The following KSR2 variants were observed in gnomAD, a reference collection of about 807,000 sequenced individuals.
The protein encoded by KSR2 is kinase suppressor of ras 2.
A neutral mutation model predicts 107.8 loss-of-function variants in KSR2; 25 were observed. That is an observed-to-expected ratio of 0.23 (90% confidence interval 0.17 to 0.32). KSR2 has a LOEUF of 0.32. Ranked by LOEUF, KSR2 falls within the 10% of genes least tolerant of loss-of-function variation. The pLI is 1.00. For missense variants in KSR2, 887 were observed against 1,268.9 expected, an observed-to-expected ratio of 0.70 and a Z score of 4.57; for synonymous variants, 480 against 507.0, an observed-to-expected ratio of 0.95 and a Z score of 0.71.
intron 14 of KSR2, among the ~76,000 whole-genome samples, chr12:117,490,586 G>A (rs1268712805): frequency 6.6e-6 from 1 of 152,080 alleles, no homozygotes; most frequent in African/African-American, 2.4e-5. Context: ...CTTTGAGATG[G>A]GGTCTCACTA....
intron 4 of KSR2, among the ~76,000 whole-genome samples, chr12:117,671,374 G>C (rs1157601451): frequency 6.6e-6 from 1 of 152,210 alleles, no homozygotes; most frequent in Non-Finnish European, 1.5e-5. Flanking sequence ...ACGGCAGAGA[G>C]ACAGACAGAT....
chr12:117,793,665 T>G (rs1287189014), intron 3 of KSR2, among the ~76,000 whole-genome samples: 1 of 124,152 alleles, frequency 8.1e-6, no homozygotes, highest in Non-Finnish European at 1.7e-5. Flanking sequence ...TATGCACACA[T>G]ACAACATGCA....
At chr12:117,673,365 G>A (rs917752073) in intron 4 of KSR2, among the ~76,000 whole-genome samples, 2 of 152,056 alleles carry the variant, frequency 1.3e-5, no homozygotes, top group African/African-American at 4.8e-5. Flanking sequence ...AGAATTAAAG[G>A]ATAAATGGAT....
intron 1 of KSR2, among the ~76,000 whole-genome samples, chr12:117,950,750 AAT>A (rs1219284998): frequency 5.9e-5 from 6 of 102,042 alleles, no homozygotes; most frequent in African/African-American, 2.5e-4. Context: ...AAAAAAAAAA[AAT>A]AATAATAATA....
At chr12:117,578,912 C>T (rs1879462645) in intron 7 of KSR2, among the ~76,000 whole-genome samples, 1 of 152,192 alleles carries the variant, frequency 6.6e-6, no homozygotes, top group African/African-American at 2.4e-5. Context: ...CCAGGATCTT[C>T]CATTAGCTCT....
intron 3 of KSR2, among the ~76,000 whole-genome samples, chr12:117,766,162 A>G (rs564057530): frequency 3.9e-5 from 6 of 152,388 alleles, no homozygotes; most frequent in South Asian, 4.1e-4. Context: ...GTGTCCATCA[A>G]CTAAGGAATG....
intron 14 of KSR2, among the ~76,000 whole-genome samples, chr12:117,497,565 T>C (rs953196337): frequency 6.6e-6 from 1 of 152,112 alleles, no homozygotes; most frequent in African/African-American, 2.4e-5. Context: ...AGGCAAAAGG[T>C]TTCCGGGCAG....
chr12:117,793,774 C>T (rs1260452139), intron 3 of KSR2, among the ~76,000 whole-genome samples: 1 of 145,814 alleles, frequency 6.9e-6, no homozygotes, highest in Non-Finnish European at 1.5e-5. Context: ...ACACATGCAA[C>T]ATGCACACAC....
chr12:117,511,334 AC>A (rs1385853009), intron 14 of KSR2, among the ~76,000 whole-genome samples: 3 of 152,234 alleles, frequency 2.0e-5, no homozygotes, highest in Non-Finnish European at 2.9e-5. Context: ...TTTACTTTAT[AC>A]CCAAGAGTAA....
intron 14 of KSR2, among the ~76,000 whole-genome samples, chr12:117,516,487 C>T (rs1340661846): frequency 1.3e-5 from 2 of 152,162 alleles, no homozygotes; most frequent in Non-Finnish European, 2.9e-5. Context: ...AGAGAAAATA[C>T]ATGACTTCTA....
intron 3 of KSR2, among the ~76,000 whole-genome samples, chr12:117,802,457 TC>T (rs1412897065): frequency 2.0e-5 from 3 of 152,180 alleles, no homozygotes; most frequent in Non-Finnish European, 4.4e-5. Flanking sequence ...TTCAGAGATG[TC>T]CCTGGGGATG....
In KSR2 at chr12:117,944,791, G is replaced by A. The variant is rs185636143; in HGVS notation, c.180+23285C>T. Among the ~76,000 whole-genome samples the A allele has an allele frequency of 3.0e-4, 46 of 152,068 alleles. No individual in the cohort carries two copies. In the East Asian group the frequency reaches 5.4e-3, roughly 18 times the overall value. ...GAGGATCGCTTGAGCCTGGGAGGCC[G>A]AGGATGCAGTGAGGTATGATCTCGC... is the stretch of plus-strand genomic sequence containing the variant. On this transcript the variant is annotated intron_variant, in intron 1 of 19. Transcript: ENST00000339824.
chr12:117,647,482 G>A (rs1455756409), intron 5 of KSR2, among the ~76,000 whole-genome samples: 1 of 152,196 alleles, frequency 6.6e-6, no homozygotes, highest in African/African-American at 2.4e-5. Flanking sequence ...GTGGGAGGCT[G>A]TGGCACGTCC....
At chr12:117,524,795 A>G (rs1874997516) in intron 14 of KSR2, 57 bp downstream of exon 14, 4 of 1,542,062 alleles carry the variant, frequency 2.6e-6, no homozygotes, top group Non-Finnish European at 3.5e-6. Context: ...CCATTTCTCA[A>G]CCATGCCAGA....
intron 5 of KSR2, among the ~76,000 whole-genome samples, chr12:117,643,352 C>T (rs1883467309): frequency 2.0e-5 from 3 of 152,100 alleles, no homozygotes; most frequent in Admixed American, 2.0e-4. Flanking sequence ...GAGGGTGAGA[C>T]AGGAGAATCG....
At chr12:117,950,983 G>A (rs542188248) in intron 1 of KSR2, among the ~76,000 whole-genome samples, 11 of 151,792 alleles carry the variant, frequency 7.2e-5, no homozygotes, top group African/African-American at 2.2e-4. Context: ...GCGCGATCTC[G>A]ACTCACTGTA....
intron 3 of KSR2, among the ~76,000 whole-genome samples, chr12:117,782,892 T>G (rs1277235152): frequency 1.3e-5 from 2 of 152,124 alleles, no homozygotes; most frequent in Admixed American, 1.3e-4. Context: ...CCGCCCCACA[T>G]AGCAACATCC....
intron 5 of KSR2, among the ~76,000 whole-genome samples, chr12:117,666,974 T>G (rs527755782): frequency 6.6e-6 from 1 of 152,204 alleles, no homozygotes; most frequent in African/African-American, 2.4e-5. Context: ...CCTCAGGCCA[T>G]GCTCAACCCC....
chr12:117,629,705 T>C (rs1408109620), intron 5 of KSR2, among the ~76,000 whole-genome samples: 1 of 152,238 alleles, frequency 6.6e-6, no homozygotes, highest in East Asian at 1.9e-4. Context: ...CACTAGTTAC[T>C]ATAGCAATCA....
Sources: allele counts gnomAD v4.1 joint callset (sites outside exome capture counted in the v4.1 genomes callset), GRCh38; gene constraint gnomAD v4.1.1; transcripts MANE v1.5; gene names NCBI Gene and HGNC (gene_info 2026-07-23, HGNC 2026-07-21).